FER: variants seen among roughly 807,000 people sequenced by gnomAD.
FER encodes tyrosine-protein kinase Fer.
FER carries 63 observed loss-of-function variants against 111.0 expected under a neutral mutation model. The observed-to-expected ratio is 0.57, with a 90% CI of 0.46 to 0.70. The LOEUF (loss-of-function observed/expected upper bound fraction) is 0.70, where lower values mean the gene tolerates loss of function less well. Among genes scored for constraint, FER ranks in the 30% least tolerant of loss-of-function variants. The probability of loss-of-function intolerance (pLI) is 0.00; values close to 1 mark genes in which losing one functional copy is unlikely to be tolerated. For synonymous variants in FER, 327 were observed against 313.9 expected, an observed-to-expected ratio of 1.04 and a Z score of -0.44; for missense variants, 914 against 954.0, an observed-to-expected ratio of 0.96 and a Z score of 0.55.
chr5:109,014,261 G>A (rs1164365754), intron 13 of FER, among the ~76,000 whole-genome samples: 5 of 151,984 alleles, frequency 3.3e-5, no homozygotes, highest in African/African-American at 9.7e-5. Context: ...ATTTTTGTAT[G>A]AGGTGTCAGG....
At chr5:108,962,566 G>A (rs1245788805) in intron 13 of FER, among the ~76,000 whole-genome samples, 1 of 152,158 alleles carries the variant, frequency 6.6e-6, no homozygotes, top group Non-Finnish European at 1.5e-5. Flanking sequence ...TTAACAATTA[G>A]TGTAGTGTAT....
chr5:108,901,348 G>T (rs1175314074), intron 10 of FER, among the ~76,000 whole-genome samples: 3 of 152,064 alleles, frequency 2.0e-5, no homozygotes, highest in African/African-American at 7.2e-5. Flanking sequence ...ATATAAGAAA[G>T]TGATTATAAT....
intron 8 of FER, among the ~76,000 whole-genome samples, chr5:108,876,385 A>G (rs922425798): frequency 1.3e-5 from 2 of 152,188 alleles, no homozygotes; most frequent in Non-Finnish European, 2.9e-5. Flanking sequence ...GACAGAGACC[A>G]TATGTGGCAC....
chr5:109,000,169 A>T (rs1349580866), intron 13 of FER, among the ~76,000 whole-genome samples: 1 of 151,728 alleles, frequency 6.6e-6, no homozygotes, highest in Admixed American at 6.6e-5. Context: ...AGTTTATTTG[A>T]GACTAAATTG....
intron 10 of FER, among the ~76,000 whole-genome samples, chr5:108,928,114 G>A (rs1359788048): frequency 1.3e-5 from 2 of 152,210 alleles, no homozygotes; most frequent in African/African-American, 2.4e-5. Flanking sequence ...AGTACCGCTA[G>A]TTTGATTGCT....
At position 109,015,713 on chromosome 5, in the gene FER, C is replaced by T. The variant is rs533678129; in HGVS notation, c.1657-21709C>T. Among the ~76,000 whole-genome samples, 8 of 152,134 alleles carry T rather than the reference C, an allele frequency of 5.3e-5. No individual in the cohort carries two copies. In the South Asian group the frequency reaches 1.5e-3, roughly 28 times the overall value. On this transcript the variant is annotated intron_variant, in intron 13 of 19. Transcript: ENST00000281092. ...ATGGTAATTCAAAATTAAATGGAAT[C>T]ATGAGCAACCCTATATTTTAAAGCA...
intron 13 of FER, among the ~76,000 whole-genome samples, chr5:109,002,060 T>C (rs1349887733): frequency 2.0e-5 from 3 of 151,556 alleles, no homozygotes; most frequent in Non-Finnish European, 2.9e-5. Context: ...AGGTAATTTA[T>C]AGATTCAATG....
intron 17 of FER, among the ~76,000 whole-genome samples, chr5:109,144,165 A>T (rs1312535753): frequency 6.6e-6 from 1 of 152,108 alleles, no homozygotes; most frequent in Non-Finnish European, 1.5e-5. Context: ...CTGAATCCCG[A>T]CTTCCCTGCT....
At chr5:108,891,229 GTTGT>G (rs1747992390) in intron 9 of FER, among the ~76,000 whole-genome samples, 1 of 151,940 alleles carries the variant, frequency 6.6e-6, no homozygotes, top group South Asian at 2.1e-4. Flanking sequence ...TGGATGTTTG[GTTGT>G]TTTGTTTTGT....
chr5:109,194,365 C>G lies in FER; in HGVS notation c.*6790C>G, dbSNP rs534745594. ...AAATAAGTCATTCTACCTAGAAATA[C>G]AGACCCCAGAGCACATTGCATGAAA... is the stretch of plus-strand genomic sequence containing the variant. On this transcript the variant is annotated 3_prime_UTR_variant, in exon 20 of 20. Transcript: ENST00000281092. 1 of 152,294 alleles carries G rather than the reference C, an allele frequency of 6.6e-6. No homozygotes were observed. The highest frequency in any genetic ancestry group is 1.9e-4 in the East Asian group (1 of 5,180). The allele number at this position is 152,294 out of a possible 1,614,324, so 9.4% of individuals were successfully genotyped here. A position where few individuals can be genotyped will look rare whatever the true frequency, so the allele number is the denominator to read the frequency against.
intron 13 of FER, among the ~76,000 whole-genome samples, chr5:108,961,201 G>T (rs1240880592): frequency 1.3e-5 from 2 of 152,090 alleles, no homozygotes; most frequent in African/African-American, 2.4e-5. Context: ...TCCAGATTAG[G>T]TTAACAAAAT....
chr5:109,088,729 A>T (rs1295241514), intron 16 of FER, among the ~76,000 whole-genome samples: 1 of 152,178 alleles, frequency 6.6e-6, no homozygotes, highest in Non-Finnish European at 1.5e-5. Context: ...TAAGTTATAT[A>T]AAGGGCTAAT....
chr5:108,823,536 T>C lies in FER; in HGVS notation c.208-9234T>C, dbSNP rs574723838. The stretch of plus-strand genomic sequence containing the variant: ...GTAGTTACCTGATGATTAGTGATAC[T>C]GAGCACCTTTTCATATATCCTTTGG... On this transcript the variant is annotated intron_variant, in intron 3 of 19. Transcript: ENST00000281092. Among the ~76,000 whole-genome samples the C allele has an allele frequency of 3.3e-5, 5 of 152,320 alleles. No homozygotes were observed. The East Asian group carries it at 9.6e-4, about 29-fold the overall frequency.
Position 108,867,865 on chromosome 5 carries a change from C to G in FER, c.580C>G (p.Leu194Val). ...TGTATTGGCGTTGAAAGGGGCACAG[C>G]TCCATCAGAATCAGTATTATGATAT... ...QYVLALKGAQ[L>V]HQNQYYDITL... The change falls in exon 6 of 20, where the codon CTC becomes GTC. Residue 194 changes from leucine to valine, a missense_variant. Physicochemically the swap from Leu to Val is conservative, Grantham distance 32. Coordinates refer to ENST00000281092, the MANE Select transcript of FER (RefSeq NM_005246.4). 1 of 1,613,112 alleles carries G rather than the reference C, an allele frequency of 6.2e-7. No homozygotes were observed. The highest frequency in any genetic ancestry group is 1.3e-5 in the African/African-American group (1 of 74,940).
rs1309383870 is a variant in FER at position 109,191,020 on chromosome 5, C to T, written c.*3445C>T. The T allele has an allele frequency of 6.6e-6, 1 of 152,098 alleles. No individual in the cohort carries two copies. The highest frequency in any genetic ancestry group is 1.5e-5 in the Non-Finnish European group (1 of 67,996). 9.4% of individuals were successfully genotyped at this position (152,098 alleles called of 1,614,324 possible). On this transcript the variant is annotated 3_prime_UTR_variant, in exon 20 of 20. Coordinates refer to ENST00000281092, the MANE Select transcript of FER (RefSeq NM_005246.4). The stretch of plus-strand genomic sequence containing the variant: ...TATTCAGTTCAGTTTTCCCATATAA[C>T]TTTTGTGAAGATTGGCTAGTACCAC...
At chr5:109,015,414 T>C (rs1453789976) in intron 13 of FER, among the ~76,000 whole-genome samples, 1 of 151,788 alleles carries the variant, frequency 6.6e-6, no homozygotes, top group East Asian at 1.9e-4. Context: ...TTTTTTTAAG[T>C]AGTAGTTGGA....
chr5:109,158,568 T>C (rs975252374), intron 17 of FER, among the ~76,000 whole-genome samples: 3 of 152,186 alleles, frequency 2.0e-5, no homozygotes, highest in Admixed American at 6.5e-5. Flanking sequence ...CCATTTACTT[T>C]TGCTTTGATA....
chr5:109,026,596 A>G (rs886916087), intron 13 of FER, among the ~76,000 whole-genome samples: 2 of 152,208 alleles, frequency 1.3e-5, no homozygotes, highest in Non-Finnish European at 1.5e-5. Flanking sequence ...AAAATTGTAT[A>G]TAAAAGAAAA....
At chr5:108,781,746 G>A (rs1161135393) in intron 2 of FER, among the ~76,000 whole-genome samples, 1 of 152,046 alleles carries the variant, frequency 6.6e-6, no homozygotes, top group Middle Eastern at 3.2e-3. Flanking sequence ...GGCTAGTATG[G>A]GCTGCAATTG....
Sources: allele counts gnomAD v4.1 joint callset (sites outside exome capture counted in the v4.1 genomes callset), GRCh38; gene constraint gnomAD v4.1.1; transcripts MANE v1.5; gene names NCBI Gene and HGNC (gene_info 2026-07-23, HGNC 2026-07-21).